The following FAM13A variants were observed in gnomAD, a reference collection of about 807,000 sequenced individuals.
FAM13A encodes the protein family with sequence similarity 13 member A, also known as protein FAM13A.
In FAM13A, 76 loss-of-function variants were observed where a neutral mutation model predicts 129.6. The observed-to-expected ratio is 0.59, with a 90% confidence interval of 0.49 to 0.71. The LOEUF (loss-of-function observed/expected upper bound fraction) is 0.71, where lower values mean the gene tolerates loss of function less well. Ranked by LOEUF, FAM13A falls within the 30% of genes least tolerant of loss-of-function variation. The pLI, the probability that FAM13A is intolerant of heterozygous loss-of-function variation, is 0.00. For synonymous variants in FAM13A, 443 were observed against 449.9 expected (o/e 0.98, Z 0.20); for missense variants, 1,108 against 1,249.3 (o/e 0.89, Z 1.70).
intron 6 of FAM13A, among the ~76,000 whole-genome samples, chr4:88,874,834 A>T (rs1409080699): frequency 6.6e-6 from 1 of 152,190 alleles, no homozygotes; most frequent in Non-Finnish European, 1.5e-5. Flanking sequence ...CATTGCCAAG[A>T]CAATCCTAAG....
At chr4:88,972,049 TATAC>T (rs572435465) in intron 4 of FAM13A, among the ~76,000 whole-genome samples, 61 of 152,258 alleles carry the variant, frequency 4.0e-4, no homozygotes, top group African/African-American at 1.3e-3. Context: ...AACACATATA[TATAC>T]ATAATTAAAT....
chr4:88,739,770 G>C (rs1052249154), intron 19 of FAM13A, among the ~76,000 whole-genome samples: 1 of 111,110 alleles, frequency 9.0e-6, no homozygotes, highest in East Asian at 2.7e-4. Flanking sequence ...CTGGGTGACA[G>C]AGAAAGACTC....
chr4:89,031,686 G>T (rs1768700099), intron 1 of FAM13A, among the ~76,000 whole-genome samples: 1 of 152,000 alleles, frequency 6.6e-6, no homozygotes, highest in South Asian at 2.1e-4. Flanking sequence ...TCATTCCTGT[G>T]GTAAATATCT....
chr4:89,046,362 T>A (rs1770858051), intron 1 of FAM13A, among the ~76,000 whole-genome samples: 1 of 152,190 alleles, frequency 6.6e-6, no homozygotes. Context: ...GCCACGTGGT[T>A]CAGACGGTAG....
At chr4:88,846,914 G>C (rs1411426563) in intron 7 of FAM13A, among the ~76,000 whole-genome samples, 3 of 152,138 alleles carry the variant, frequency 2.0e-5, no homozygotes, top group African/African-American at 7.2e-5. Context: ...CAAATGAAAA[G>C]AGCTTCATAA....
intron 23 of FAM13A, among the ~76,000 whole-genome samples, chr4:88,730,335 G>A (rs1737398719): frequency 6.6e-6 from 1 of 152,172 alleles, no homozygotes; most frequent in Non-Finnish European, 1.5e-5. Flanking sequence ...AGACTAAATT[G>A]TGCCTTAAAA....
intron 4 of FAM13A, among the ~76,000 whole-genome samples, chr4:88,974,425 TTCC>T (rs1760616614): frequency 6.6e-6 from 1 of 152,176 alleles, no homozygotes; most frequent in African/African-American, 2.4e-5. Flanking sequence ...CGAGTGGTGA[TTCC>T]AAGCTCCTTA....
At position 88,791,836 on chromosome 4, in the gene FAM13A, G is replaced by T. The variant is rs557622713; in HGVS notation, c.1050-1209C>A. ...AATGTAGAATCTCAAGGCCTCAAGGGACTGTACAATATTTCTCATTTTCTT... is the reference window on the plus strand; with the variant it reads ...AATGTAGAATCTCAAGGCCTCAAGGTACTGTACAATATTTCTCATTTTCTT... On this transcript the variant is annotated intron_variant, in intron 8 of 23. Transcript: ENST00000264344. Among the ~76,000 whole-genome samples the T allele has an allele frequency of 1.5e-4, 23 of 152,052 alleles. No individual in the cohort carries two copies. The South Asian group carries it at 4.8e-3, about 32-fold the overall frequency.
At chr4:88,813,800 T>A (rs1350828101) in intron 7 of FAM13A, among the ~76,000 whole-genome samples, 2 of 152,154 alleles carry the variant, frequency 1.3e-5, no homozygotes, top group African/African-American at 4.8e-5. Flanking sequence ...CTTTTTAGGA[T>A]GATGAGCAGC....
intron 6 of FAM13A, among the ~76,000 whole-genome samples, chr4:88,875,800 C>T (rs1003355290): frequency 3.9e-5 from 6 of 152,058 alleles, no homozygotes; most frequent in Non-Finnish European, 7.4e-5. Context: ...GATATATACC[C>T]AAAGGATTAT....
intron 4 of FAM13A, among the ~76,000 whole-genome samples, chr4:88,943,258 A>G (rs1256248604): frequency 6.6e-6 from 1 of 152,214 alleles, no homozygotes; most frequent in African/African-American, 2.4e-5. Flanking sequence ...GGGCTCCTTA[A>G]AGTCTCAAAG....
At chr4:89,024,273 A>C (rs1298390048) in intron 2 of FAM13A, among the ~76,000 whole-genome samples, 2 of 152,134 alleles carry the variant, frequency 1.3e-5, no homozygotes. Context: ...TGGTGACTTG[A>C]GACTCTACAC....
chr4:88,816,407 C>G (rs7695177), intron 7 of FAM13A, among the ~76,000 whole-genome samples: 78,093 of 151,904 alleles, frequency 0.51, 20,324 homozygotes, highest in East Asian at 0.69. Context: ...GAAATTATGT[C>G]GACAATAGTG....
intron 1 of FAM13A, among the ~76,000 whole-genome samples, chr4:89,056,367 T>A (rs1431339816): frequency 6.6e-6 from 1 of 152,204 alleles, no homozygotes; most frequent in African/African-American, 2.4e-5. Context: ...TATTTCAGTG[T>A]TATTTATTAA....
chr4:89,036,587 T>C (rs1321631577), intron 1 of FAM13A, among the ~76,000 whole-genome samples: 3 of 152,138 alleles, frequency 2.0e-5, no homozygotes, highest in African/African-American at 4.8e-5. Flanking sequence ...GCTGCAGAAA[T>C]TTGCAGCTGA....
intron 6 of FAM13A, among the ~76,000 whole-genome samples, chr4:88,897,690 T>A (rs1457653273): frequency 6.6e-6 from 1 of 152,176 alleles, no homozygotes; most frequent in Admixed American, 6.6e-5. Context: ...AGGATAGGCA[T>A]CACCCTCACA....
At chr4:88,769,280 T>C (rs1269287764) in intron 11 of FAM13A, among the ~76,000 whole-genome samples, 1 of 152,230 alleles carries the variant, frequency 6.6e-6, no homozygotes, top group Non-Finnish European at 1.5e-5. Flanking sequence ...TTTCCATTTA[T>C]GTTGGTTTTG....
At chr4:88,990,219 C>G (rs577000895) in intron 4 of FAM13A, 11 of 152,164 alleles carry the variant, frequency 7.2e-5, no homozygotes, top group African/African-American at 2.7e-4. Context: ...TGTAATATTA[C>G]TAGTTCTGGG....
At chr4:88,977,377 C>A (rs996614811) in intron 4 of FAM13A, among the ~76,000 whole-genome samples, 3 of 152,062 alleles carry the variant, frequency 2.0e-5, no homozygotes, top group Non-Finnish European at 2.9e-5. Context: ...TAAAGGGATA[C>A]CACTGTCTAT....
Sources: gnomAD v4.1 joint callset for allele counts (sites outside exome capture counted in the v4.1 genomes callset) on GRCh38, gnomAD v4.1.1 for gene constraint, MANE v1.5 for transcripts, NCBI Gene and HGNC (gene_info 2026-07-23, HGNC 2026-07-21) for gene names.